Variants in TXLNG observed in about 807,000 individuals in gnomAD.
TXLNG encodes gamma-taxilin.
Under a neutral mutation model 38.8 loss-of-function variants are expected in TXLNG, and 5 were observed. The observed-to-expected ratio is 0.13, with a 90% CI of 0.07 to 0.27. TXLNG has a LOEUF of 0.27. Ranked by LOEUF, TXLNG falls within the 10% of genes least tolerant of loss-of-function variation. The pLI is 1.00. For synonymous variants in TXLNG, 182 were observed against 158.2 expected (o/e 1.15, Z -1.13); for missense variants, 393 against 398.2 (o/e 0.99, Z 0.11).
At chrX:16,812,217 C>G (rs1430328917) in intron 1 of TXLNG, among the ~76,000 whole-genome samples, 1 of 106,231 alleles carries the variant, frequency 9.4e-6, no homozygotes, top group African/African-American at 3.4e-5. Context: ...TCACATTGGC[C>G]AGGCTGGTCT....
chrX:16,836,280 T>C (rs1382276344), intron 7 of TXLNG, among the ~76,000 whole-genome samples: 1 of 111,846 alleles, frequency 8.9e-6, no homozygotes, highest in African/African-American at 3.2e-5. Flanking sequence ...AAAACTGCTG[T>C]AACTTCTAAT....
intron 1 of TXLNG, among the ~76,000 whole-genome samples, chrX:16,800,562 CT>C (rs747782846): frequency 0.025 from 1,689 of 68,215 alleles, 10 homozygotes; most frequent in Non-Finnish European, 0.032. Flanking sequence ...GAGGAGGAAA[CT>C]TTTTTTTTTT....
chrX:16,818,887 C>T lies in TXLNG; in HGVS notation c.406+10C>T, dbSNP rs1023041946. 1.0e-5 allele frequency: 12 copies of T among 1,180,109 alleles called. No homozygotes were observed. Among genetic ancestry groups the T allele is most frequent in the Admixed American group, 2.5e-5 (1 of 40,589 alleles). On this transcript the variant is annotated intron_variant, in intron 2 of 9. Transcript: ENST00000380122. ...AAAGAAAAAACTTTAGGTAATAATC[C>T]GTTCAGTGGTTGGACGTTTCACATG...
At chrX:16,796,061 A>G (rs1454322594) in intron 1 of TXLNG, among the ~76,000 whole-genome samples, 3 of 110,669 alleles carry the variant, frequency 2.7e-5, no homozygotes, top group African/African-American at 9.9e-5. Flanking sequence ...TGATCCACCC[A>G]CCTCAGCCTC....
In TXLNG at chrX:16,818,728, G is replaced by T; in HGVS notation, c.257G>T (p.Ser86Ile). 1 of 1,212,076 alleles carries T rather than the reference G, an allele frequency of 8.3e-7. No homozygotes were observed. Among genetic ancestry groups the T allele is most frequent in the Non-Finnish European group, 1.1e-6 (1 of 895,666 alleles). The stretch of plus-strand genomic sequence containing the variant: ...CATTCATTGGAAGAGGATGAAGGCA[G>T]TGACTTTATAACAGAGAACAGGAAT... ...NKHSLEEDEG[S>I]DFITENRNLV... is the part of the protein sequence containing the mutation. The change falls in exon 2 of 10, where the codon AGT becomes ATT. Residue 86 changes from serine to isoleucine, a missense_variant. Coordinates refer to ENST00000380122, the MANE Select transcript of TXLNG (RefSeq NM_018360.3).
intron 3 of TXLNG, among the ~76,000 whole-genome samples, chrX:16,826,135 G>A (rs893423421): frequency 2.7e-5 from 3 of 111,656 alleles, no homozygotes; most frequent in African/African-American, 6.5e-5. Flanking sequence ...TCAGGATTGC[G>A]CTAACCCTGG....
Position 16,820,566 on chromosome X carries a change from A to G in TXLNG, c.498+311A>G, listed in dbSNP as rs150784882. Among the ~76,000 whole-genome samples the G allele has an allele frequency of 7.9e-3, 881 of 111,491 alleles. 7 individuals are homozygous for G. Among genetic ancestry groups the G allele is most frequent in the Admixed American group, 0.019 (194 of 10,460 alleles). ...CTTAGGTGCCACTCAGTTGGGGTGT[A>G]GTGGTTCCTGTCTTAAACTTTTCCT... On this transcript the variant is annotated intron_variant, in intron 3 of 9. Transcript: ENST00000380122.
rs1256848967 is a variant in TXLNG at position 16,843,170 on chromosome X, T to TGACA, written c.*1405_*1408dup. On this transcript the variant is annotated 3_prime_UTR_variant, in exon 10 of 10. Coordinates refer to ENST00000380122, the MANE Select transcript of TXLNG (RefSeq NM_018360.3). ...ATTCCACTGAGCAAAACTATCAGAC[T>TGACA]GACACTTGTTAAATTGCTTACTGGA... The TGACA allele has an allele frequency of 8.9e-6, 1 of 112,659 alleles. No homozygotes were observed. Among genetic ancestry groups the TGACA allele is most frequent in the African/African-American group, 3.2e-5 (1 of 31,070 alleles). 9.3% of individuals were successfully genotyped at this position (112,659 alleles called of 1,213,427 possible).
At chrX:16,806,985 G>A (rs1355933117) in intron 1 of TXLNG, among the ~76,000 whole-genome samples, 1 of 109,376 alleles carries the variant, frequency 9.1e-6, no homozygotes, top group African/African-American at 3.3e-5. Context: ...TCAGGAGGCC[G>A]AGGCAGGAGA....
chrX:16,828,165 G>A lies in TXLNG; in HGVS notation c.570G>A (p.Glu190=), dbSNP rs1929238387. Residue 190 remains glutamate (E), a synonymous_variant, in exon 4 of 10, where the codon GAG becomes GAA. Coordinates refer to ENST00000380122, the MANE Select transcript of TXLNG (RefSeq NM_018360.3). The part of the protein sequence containing the change: ...LQKKQAQIVK[E]KVHLQSEHSK... Reference sequence around the variant, plus strand: ...AGAAGCAAGCCCAGATTGTGAAAGAGAAAGTTCACTTGCAGAGTGAACATA... The same window carrying A: ...AGAAGCAAGCCCAGATTGTGAAAGAAAAAGTTCACTTGCAGAGTGAACATA... 1 of 1,211,206 alleles carries A rather than the reference G, an allele frequency of 8.3e-7. No homozygotes were observed. Among genetic ancestry groups the A allele is most frequent in the Non-Finnish European group, 1.1e-6 (1 of 895,118 alleles).
chrX:16,790,521 A>G (rs928912526), intron 1 of TXLNG, among the ~76,000 whole-genome samples: 2 of 111,254 alleles, frequency 1.8e-5, no homozygotes, highest in African/African-American at 3.3e-5. Context: ...TACTGTCTCC[A>G]TAGTTTTGCC....
At chrX:16,794,912 T>C (rs995709936) in intron 1 of TXLNG, among the ~76,000 whole-genome samples, 5 of 111,937 alleles carry the variant, frequency 4.5e-5, no homozygotes, top group South Asian at 3.7e-4. Context: ...ATTGCAGATA[T>C]TCATTGAGTT....
At chrX:16,835,465 T>A (rs1368000591) in intron 7 of TXLNG, among the ~76,000 whole-genome samples, 1 of 111,996 alleles carries the variant, frequency 8.9e-6, no homozygotes, top group East Asian at 2.8e-4. Flanking sequence ...ATCTCTTACT[T>A]ATCAGCCCTA....
intron 7 of TXLNG, among the ~76,000 whole-genome samples, chrX:16,836,158 T>C (rs1438977151): frequency 8.9e-6 from 1 of 111,793 alleles, no homozygotes; most frequent in African/African-American, 3.3e-5. Context: ...TTCAGGAGGC[T>C]GAGATGGGAG....
At chrX:16,813,692 A>G (rs989525433) in intron 1 of TXLNG, among the ~76,000 whole-genome samples, 2 of 109,790 alleles carry the variant, frequency 1.8e-5, no homozygotes, top group African/African-American at 6.6e-5. Context: ...CAGTTCCTCA[A>G]AAGGTTCAAC....
intron 8 of TXLNG, chrX:16,839,280 T>TA (rs1237804420): frequency 8.9e-6 from 1 of 111,860 alleles, no homozygotes; most frequent in African/African-American, 3.3e-5. Flanking sequence ...ACTGGAGTCT[T>TA]ACCTGAATCA....
chrX:16,829,703 G>A lies in TXLNG; in HGVS notation c.797G>A (p.Arg266Gln), dbSNP rs769164177. 3 of 1,211,869 alleles carry A rather than the reference G, an allele frequency of 2.5e-6. No individual in the cohort carries two copies. The highest frequency in any genetic ancestry group is 3.3e-6 in the Non-Finnish European group (3 of 895,572). ...EQHDIHNAKLRQENIELGEKL... is the reference protein window; with the variant it reads ...EQHDIHNAKLQQENIELGEKL... ...CATGACATCCACAACGCCAAACTCC[G>A]ACAGGAAAACATTGAGCTGGGGGAG... is the stretch of plus-strand genomic sequence containing the variant. Residue 266 changes from arginine to glutamine, a missense_variant, in exon 5 of 10, where the codon CGA (arginine) becomes CAA (glutamine). Transcript: ENST00000380122.
rs748550336 is a variant in TXLNG, at chrX:16,843,547, A to G, written c.*1781A>G. ...CTCATTTCCCTGGTGGTGGGGGGGA[A>G]TGCAGGTATAGATCAGAAATATAAT... On this transcript the variant is annotated 3_prime_UTR_variant, in exon 10 of 10. Transcript: ENST00000380122. The G allele has an allele frequency of 1.5e-4, 17 of 112,338 alleles. No homozygotes were observed. The highest frequency in any genetic ancestry group is 5.2e-4 in the African/African-American group (16 of 30,939). 9.3% of individuals were successfully genotyped at this position (112,338 alleles called of 1,213,427 possible). A position where few individuals can be genotyped will look rare whatever the true frequency, so the allele number is the denominator to read the frequency against.
At chrX:16,828,331 C>A in intron 4 of TXLNG, 67 bp downstream of exon 4, 1 of 1,033,852 alleles carries the variant, frequency 9.7e-7, no homozygotes, top group Non-Finnish European at 1.3e-6. Context: ...AACCCTGTGC[C>A]TATCTGAAAT....
Sources: gnomAD v4.1 joint callset for allele counts (sites outside exome capture counted in the v4.1 genomes callset) on GRCh38, gnomAD v4.1.1 for gene constraint, MANE v1.5 for transcripts, NCBI Gene and HGNC (gene_info 2026-07-23, HGNC 2026-07-21) for gene names.